The following PARVG variants were observed in gnomAD, a reference collection of about 807,000 sequenced individuals.
PARVG encodes gamma-parvin.
A neutral mutation model predicts 44.4 loss-of-function variants in PARVG; 36 were observed. The observed-to-expected ratio is 0.81, with a 90% CI of 0.62 to 1.07. The LOEUF (loss-of-function observed/expected upper bound fraction) is 1.07, where lower values mean the gene tolerates loss of function less well. Among genes scored for constraint, PARVG ranks in the 50% least tolerant of loss-of-function variants. The pLI is 0.00. For missense variants in PARVG, 407 were observed against 407.4 expected (o/e 1.00, Z 0.01); for synonymous variants, 170 against 174.1 (o/e 0.98, Z 0.19).
chr22:44,190,727 C>T (rs1000191469), intron 7 of PARVG, 61 bp downstream of exon 7: 34 of 1,406,816 alleles, frequency 2.4e-5, no homozygotes, highest in East Asian at 4.6e-5. Flanking sequence ...CCCCCATTGC[C>T]GTACCCTGCA....
intron 11 of PARVG, 28 bp downstream of exon 11, chr22:44,196,443 G>A: frequency 1.2e-6 from 2 of 1,612,708 alleles, no homozygotes; most frequent in Middle Eastern, 1.7e-4. Context: ...GCGTCCCCAG[G>A]CAGGGCAGGG....
At position 44,183,127 on chromosome 22, in the gene PARVG, C is replaced by T. The variant is rs547405313; in HGVS notation, c.-12-191C>T. On this transcript the variant is annotated intron_variant, in intron 2 of 13. Transcript: ENST00000444313. ...GCTTCTGTGCCTTTTTCTAACCCGTCACCCCGCAAGGGTTGGCTCAAGGGC... is the reference window on the plus strand; with the variant it reads ...GCTTCTGTGCCTTTTTCTAACCCGTTACCCCGCAAGGGTTGGCTCAAGGGC... The T allele has an allele frequency of 3.4e-5, 18 of 532,720 alleles. No individual in the cohort carries two copies. The South Asian group carries it at 4.8e-4, about 14-fold the overall frequency. The allele number at this position is 532,720 out of a possible 1,614,324, so 33.0% of individuals were successfully genotyped here.
intron 12 of PARVG, among the ~76,000 whole-genome samples, chr22:44,202,197 C>T (rs538640367): frequency 1.8e-4 from 27 of 152,342 alleles, no homozygotes; most frequent in African/African-American, 6.0e-4. Context: ...TGTTTCCCTC[C>T]TGTGGAGCCA....
intron 12 of PARVG, among the ~76,000 whole-genome samples, chr22:44,204,793 A>G (rs2054757635): frequency 6.6e-6 from 1 of 152,078 alleles, no homozygotes; most frequent in Admixed American, 6.5e-5. Flanking sequence ...TGAAGGGAGG[A>G]CCTGTTTGAG....
At chr22:44,200,805 G>A (rs1397900497) in intron 12 of PARVG, among the ~76,000 whole-genome samples, 4 of 152,074 alleles carry the variant, frequency 2.6e-5, no homozygotes, top group East Asian at 3.9e-4. Flanking sequence ...GCCTATCTGG[G>A]GCCCAGTAGC....
intron 5 of PARVG, 180 bp downstream of exon 5, chr22:44,188,058 G>A (rs1267938726): frequency 1.2e-5 from 8 of 656,912 alleles, no homozygotes; most frequent in Non-Finnish European, 1.8e-5. Flanking sequence ...CACAGCCCAT[G>A]AGTGAGGGGG....
At chr22:44,199,115 A>G (rs930601401) in intron 12 of PARVG, among the ~76,000 whole-genome samples, 5 of 150,380 alleles carry the variant, frequency 3.3e-5, no homozygotes, top group Admixed American at 6.6e-5. Flanking sequence ...CTACCTGTCC[A>G]TCCACCTAAC....
chr22:44,174,498 G>A (rs1204024720), intron 1 of PARVG, among the ~76,000 whole-genome samples: 2 of 151,942 alleles, frequency 1.3e-5, no homozygotes, highest in African/African-American at 4.8e-5. Flanking sequence ...CTTGAGGCTA[G>A]GAGTTCAAGA....
chr22:44,177,714 T>C (rs2054332126), upstream of PARVG, among the ~76,000 whole-genome samples: 1 of 152,150 alleles, frequency 6.6e-6, no homozygotes. Context: ...TTTACTTTCT[T>C]ATGATGTTAA....
In PARVG at chr22:44,187,888, T is replaced by G. The variant is rs763280374; in HGVS notation, c.247+10T>G. On this transcript the variant is annotated intron_variant, in intron 5 of 13. Coordinates refer to ENST00000444313, the MANE Select transcript of PARVG (RefSeq NM_022141.7). Reference sequence around the variant, plus strand: ...CTACACCACCTATTCCGTAAGTGGCTGTTTCTGGGGCTGCCTGGGCCTCGG... The same window carrying G: ...CTACACCACCTATTCCGTAAGTGGCGGTTTCTGGGGCTGCCTGGGCCTCGG... 6.2e-6 allele frequency: 10 copies of G among 1,613,866 alleles called. No homozygotes were observed. The highest frequency in any genetic ancestry group is 1.3e-5 in the African/African-American group (1 of 74,954).
intron 3 of PARVG, chr22:44,185,356 T>C (rs1225425683): frequency 1.3e-5 from 2 of 159,008 alleles, no homozygotes; most frequent in African/African-American, 4.8e-5. Context: ...GCCATGGCCT[T>C]GGGGAAGGGG....
chr22:44,198,547 C>A, intron 11 of PARVG, 74 bp from the exon 12 acceptor site: 1 of 1,155,614 alleles, frequency 8.7e-7, no homozygotes, highest in Non-Finnish European at 1.3e-6. Flanking sequence ...CTTAGGGCCA[C>A]ACAGCCTGTA....
intron 4 of PARVG, chr22:44,186,790 TG>T (rs2054478145): frequency 7.4e-6 from 3 of 404,996 alleles, no homozygotes; most frequent in African/African-American, 4.1e-5. Flanking sequence ...GAGCTGGTCA[TG>T]GTTCTGGGGG....
intron 4 of PARVG, chr22:44,186,472 C>G (rs932766688): frequency 6.7e-6 from 3 of 446,830 alleles, no homozygotes; most frequent in Middle Eastern, 3.4e-4. Flanking sequence ...CCAGGGAGGC[C>G]TCCTGGCCTA....
intron 12 of PARVG, among the ~76,000 whole-genome samples, chr22:44,200,077 T>C (rs1297531839): frequency 6.6e-6 from 1 of 152,178 alleles, no homozygotes; most frequent in Non-Finnish European, 1.5e-5. Flanking sequence ...CAGTGCCCGC[T>C]GGCTAGTCCT....
chr22:44,203,856 G>C (rs73163853), intron 12 of PARVG, among the ~76,000 whole-genome samples: 13,816 of 152,232 alleles, frequency 0.091, 814 homozygotes, highest in Non-Finnish European at 0.14. Context: ...CATTGGTGCC[G>C]TGTGATAGCC....
In PARVG at chr22:44,208,428, TTAGACTTGTC is replaced by T. The variant is rs1283803611; in HGVS notation, c.*2007_*2016del. Reference sequence around the variant, plus strand: ...CTGATCTGTTTTCTGTCACCATCATTTAGACTTGTCTAGAATTTCTTATAAACTGTATCCT... The same window carrying T: ...CTGATCTGTTTTCTGTCACCATCATTTAGAATTTCTTATAAACTGTATCCT... On this transcript the variant is annotated 3_prime_UTR_variant, in exon 14 of 14. Transcript: ENST00000444313. The T allele has an allele frequency of 6.6e-6, 1 of 152,252 alleles. No individual in the cohort carries two copies. Among genetic ancestry groups the T allele is most frequent in the Non-Finnish European group, 1.5e-5 (1 of 68,036 alleles). 9.4% of individuals were successfully genotyped at this position (152,252 alleles called of 1,614,324 possible). A position where few individuals can be genotyped will look rare whatever the true frequency, so the allele number is the denominator to read the frequency against.
upstream of PARVG, among the ~76,000 whole-genome samples, chr22:44,177,752 G>A (rs543689205): frequency 2.6e-5 from 4 of 152,236 alleles, no homozygotes; most frequent in South Asian, 2.1e-4. Context: ...GTGAGCACAC[G>A]TCTGTGGTCC....
chr22:44,203,527 G>A (rs1161966947), intron 12 of PARVG, among the ~76,000 whole-genome samples: 3 of 152,170 alleles, frequency 2.0e-5, no homozygotes, highest in Non-Finnish European at 2.9e-5. Context: ...ATGCTGGCTC[G>A]CTGAATGTAT....
Sources: gnomAD v4.1 joint callset for allele counts (sites outside exome capture counted in the v4.1 genomes callset) on GRCh38, gnomAD v4.1.1 for gene constraint, MANE v1.5 for transcripts, NCBI Gene and HGNC (gene_info 2026-07-23, HGNC 2026-07-21) for gene names.